The following PLCXD3 variants were observed in gnomAD, a reference collection of about 807,000 sequenced individuals.
PLCXD3 encodes PI-PLC X domain-containing protein 3.
PLCXD3 carries 19 observed loss-of-function variants against 25.5 expected under a neutral mutation model. That is an observed-to-expected ratio of 0.75 (90% CI 0.52 to 1.09). PLCXD3 has a LOEUF of 1.09. PLCXD3 is among the 50% of genes least tolerant of loss of function. The pLI, the probability that PLCXD3 is intolerant of heterozygous loss-of-function variation, is 0.00. For synonymous variants in PLCXD3, 174 were observed against 137.6 expected, an observed-to-expected ratio of 1.26 and a Z score of -1.85; for missense variants, 411 against 388.1, an observed-to-expected ratio of 1.06 and a Z score of -0.50.
At chr5:41,500,260 G>A (rs763290371) in intron 1 of PLCXD3, among the ~76,000 whole-genome samples, 8 of 151,756 alleles carry the variant, frequency 5.3e-5, no homozygotes, top group Non-Finnish European at 1.2e-4. Flanking sequence ...TAATAAGGTC[G>A]CTTCTTTTGC....
intron 1 of PLCXD3, among the ~76,000 whole-genome samples, chr5:41,499,326 A>T (rs1748904755): frequency 6.6e-6 from 1 of 151,796 alleles, no homozygotes; most frequent in African/African-American, 2.4e-5. Flanking sequence ...CAACATTAAA[A>T]ATCAGTTGTG....
chr5:41,498,370 TA>T (rs1222146142), intron 1 of PLCXD3, among the ~76,000 whole-genome samples: 1 of 151,574 alleles, frequency 6.6e-6, no homozygotes, highest in Non-Finnish European at 1.5e-5. Flanking sequence ...TAAAGGATTA[TA>T]AGATGCTACT....
At chr5:41,496,596 A>G (rs1482450329) in intron 1 of PLCXD3, among the ~76,000 whole-genome samples, 1 of 149,848 alleles carries the variant, frequency 6.7e-6, no homozygotes, top group Non-Finnish European at 1.5e-5. Context: ...TGTCTTTTAA[A>G]CATAAAGGAA....
At chr5:41,461,410 G>A (rs1219261526) in intron 1 of PLCXD3, among the ~76,000 whole-genome samples, 1 of 151,760 alleles carries the variant, frequency 6.6e-6, no homozygotes, top group Non-Finnish European at 1.5e-5. Flanking sequence ...ATGATTTTTT[G>A]AAGCAACAAT....
At chr5:41,497,690 A>G (rs1006267270) in intron 1 of PLCXD3, among the ~76,000 whole-genome samples, 2 of 151,894 alleles carry the variant, frequency 1.3e-5, no homozygotes, top group African/African-American at 4.8e-5. Context: ...CCTAACAAAC[A>G]TATACAGAAC....
Position 41,485,503 on chromosome 5 carries a change from T to G in PLCXD3, c.103+24921A>C, listed in dbSNP as rs181522428. ...TTTGAAGAAAGAAGGCTATATTCCA[T>G]TTGCGGTGGCTTCCAGAACCTTCAG... On this transcript the variant is annotated intron_variant, in intron 1 of 2. Coordinates refer to ENST00000377801, the MANE Select transcript of PLCXD3 (RefSeq NM_001005473.3). Among the ~76,000 whole-genome samples the G allele has an allele frequency of 1.7e-3, 252 of 152,286 alleles. 1 individual carries two copies. Among genetic ancestry groups the G allele is most frequent in the African/African-American group, 5.9e-3 (246 of 41,580 alleles).
At chr5:41,327,168 C>A (rs763362561) in intron 2 of PLCXD3, among the ~76,000 whole-genome samples, 1 of 152,078 alleles carries the variant, frequency 6.6e-6, no homozygotes, top group Non-Finnish European at 1.5e-5. Context: ...GAAAAGGGAA[C>A]AGCACATGCA....
chr5:41,416,575 C>G (rs1043497544), intron 1 of PLCXD3, among the ~76,000 whole-genome samples: 1 of 152,140 alleles, frequency 6.6e-6, no homozygotes, highest in African/African-American at 2.4e-5. Flanking sequence ...GCAACCAGAC[C>G]CACTCAGCAT....
chr5:41,459,236 G>T (rs1747821134), intron 1 of PLCXD3, among the ~76,000 whole-genome samples: 1 of 151,770 alleles, frequency 6.6e-6, no homozygotes, highest in South Asian at 2.1e-4. Flanking sequence ...GTTAGGTGGG[G>T]TTCATATTTT....
At chr5:41,322,001 T>C (rs1206260701) in intron 2 of PLCXD3, among the ~76,000 whole-genome samples, 1 of 152,154 alleles carries the variant, frequency 6.6e-6, no homozygotes, top group Non-Finnish European at 1.5e-5. Flanking sequence ...GGGGAAAATC[T>C]CCAGGACATT....
At chr5:41,319,805 T>C (rs1310321595) in intron 2 of PLCXD3, among the ~76,000 whole-genome samples, 1 of 150,338 alleles carries the variant, frequency 6.7e-6, no homozygotes, top group Non-Finnish European at 1.5e-5. Flanking sequence ...ATACAAAAGA[T>C]CAATAAAACA....
chr5:41,488,978 G>C (rs1032498019), intron 1 of PLCXD3, among the ~76,000 whole-genome samples: 10 of 151,928 alleles, frequency 6.6e-5, no homozygotes, highest in African/African-American at 1.9e-4. Context: ...CATTGCTTTT[G>C]GTGTTTTAGA....
At chr5:41,351,878 TCTA>T (rs1744471516) in intron 2 of PLCXD3, among the ~76,000 whole-genome samples, 1 of 152,200 alleles carries the variant, frequency 6.6e-6, no homozygotes, top group Non-Finnish European at 1.5e-5. Context: ...TCACTCAACT[TCTA>T]CTCTTCATTT....
intron 1 of PLCXD3, among the ~76,000 whole-genome samples, chr5:41,406,430 GT>G (rs971083025): frequency 1.5e-4 from 23 of 152,068 alleles, no homozygotes; most frequent in African/African-American, 5.6e-4. Flanking sequence ...ACAGACTTTA[GT>G]ATCTTCCCCT....
chr5:41,478,581 C>T (rs574103565), intron 1 of PLCXD3, among the ~76,000 whole-genome samples: 3 of 152,216 alleles, frequency 2.0e-5, no homozygotes, highest in South Asian at 2.1e-4. Context: ...TTTACTTAAA[C>T]GTTTCTCAAA....
intron 1 of PLCXD3, among the ~76,000 whole-genome samples, chr5:41,415,100 T>G (rs1273747546): frequency 6.6e-6 from 1 of 152,190 alleles, no homozygotes; most frequent in African/African-American, 2.4e-5. Context: ...AAGCATCCAC[T>G]GGGGATCTTG....
intron 1 of PLCXD3, among the ~76,000 whole-genome samples, chr5:41,434,111 C>T (rs1747179530): frequency 6.6e-6 from 1 of 152,174 alleles, no homozygotes; most frequent in Non-Finnish European, 1.5e-5. Context: ...TGACAAAGAT[C>T]CTGGGGGCTA....
At chr5:41,490,870 C>G (rs999351697) in intron 1 of PLCXD3, among the ~76,000 whole-genome samples, 16 of 152,096 alleles carry the variant, frequency 1.1e-4, no homozygotes, top group Non-Finnish European at 2.4e-4. Context: ...TTTTGTTGAT[C>G]CTTTCAAGAA....
chr5:41,468,368 T>C (rs750971805), intron 1 of PLCXD3, among the ~76,000 whole-genome samples: 3 of 152,126 alleles, frequency 2.0e-5, no homozygotes, highest in Non-Finnish European at 4.4e-5. Context: ...GGTTTTTTTG[T>C]GGTTCCATGC....
Sources: gnomAD v4.1 joint callset for allele counts (sites outside exome capture counted in the v4.1 genomes callset) on GRCh38, gnomAD v4.1.1 for gene constraint, MANE v1.5 for transcripts, NCBI Gene and HGNC (gene_info 2026-07-23, HGNC 2026-07-21) for gene names.